Variants in SPAG16 observed in about 807,000 individuals in gnomAD.
SPAG16 encodes sperm associated antigen 16, also known as sperm-associated antigen 16 protein.
A neutral mutation model predicts 80.4 loss-of-function variants in SPAG16; 86 were observed. The observed-to-expected ratio is 1.07, with a 90% CI of 0.90 to 1.28. SPAG16 has a LOEUF of 1.28. Among genes scored for constraint, SPAG16 ranks in the 50% most tolerant of loss-of-function variants. SPAG16 has a pLI of 0.00. For missense variants in SPAG16, 870 were observed against 765.3 expected, an observed-to-expected ratio of 1.14 and a Z score of -1.61; for synonymous variants, 294 against 265.9, an observed-to-expected ratio of 1.11 and a Z score of -1.03.
chr2:213,391,752 T>C (rs1431723657), intron 9 of SPAG16, among the ~76,000 whole-genome samples: 1 of 152,198 alleles, frequency 6.6e-6, no homozygotes, highest in Admixed American at 6.5e-5. Flanking sequence ...TGAATATGTC[T>C]GCTAAAGACT....
At chr2:213,392,327 T>C (rs2067796417) in intron 9 of SPAG16, among the ~76,000 whole-genome samples, 1 of 152,198 alleles carries the variant, frequency 6.6e-6, no homozygotes, top group Admixed American at 6.5e-5. Flanking sequence ...ACTTTTTGCC[T>C]AAAGTGTCAT....
At chr2:213,332,016 G>A (rs1260383085) in intron 5 of SPAG16, among the ~76,000 whole-genome samples, 2 of 151,806 alleles carry the variant, frequency 1.3e-5, no homozygotes, top group African/African-American at 4.8e-5. Context: ...CCCAAGATTA[G>A]TATAAAAAAT....
intron 13 of SPAG16, among the ~76,000 whole-genome samples, chr2:214,019,194 T>C (rs1342826507): frequency 6.6e-6 from 1 of 152,128 alleles, no homozygotes; most frequent in African/African-American, 2.4e-5. Context: ...AAAGGCTCAA[T>C]GTACATACAG....
intron 10 of SPAG16, among the ~76,000 whole-genome samples, chr2:213,861,488 A>G (rs2075458698): frequency 6.6e-6 from 1 of 152,188 alleles, no homozygotes; most frequent in Non-Finnish European, 1.5e-5. Context: ...TGTTTTTTAA[A>G]TCATCATATG....
At chr2:213,665,340 T>C (rs1309647454) in intron 10 of SPAG16, among the ~76,000 whole-genome samples, 1 of 152,092 alleles carries the variant, frequency 6.6e-6, no homozygotes, top group Non-Finnish European at 1.5e-5. Context: ...CTTTAATAGC[T>C]ATTATGATAT....
At chr2:214,123,911 GATAACTGATTGGTA>G (rs1322291473) in intron 14 of SPAG16, among the ~76,000 whole-genome samples, 2 of 152,002 alleles carry the variant, frequency 1.3e-5, no homozygotes, top group African/African-American at 4.8e-5. Context: ...GAATCATATA[GATAACTGATTGGTA>G]ATGTCACCTA....
intron 10 of SPAG16, among the ~76,000 whole-genome samples, chr2:213,543,540 G>A (rs1208911171): frequency 2.0e-5 from 3 of 151,674 alleles, no homozygotes; most frequent in African/African-American, 7.3e-5. Flanking sequence ...TTTCTTTATT[G>A]TTTTTCTATT....
At chr2:213,355,561 C>G (rs1008297061) in intron 7 of SPAG16, among the ~76,000 whole-genome samples, 1 of 152,118 alleles carries the variant, frequency 6.6e-6, no homozygotes, top group East Asian at 1.9e-4. Context: ...TTTTAGTTCT[C>G]CTTGAAGACG....
intron 13 of SPAG16, among the ~76,000 whole-genome samples, chr2:214,050,076 C>T (rs925890015): frequency 3.3e-5 from 5 of 151,806 alleles, no homozygotes; most frequent in Non-Finnish European, 7.4e-5. Flanking sequence ...GGTGTGGTCC[C>T]ATTAGAGGTC....
At chr2:214,059,252 ATATGTATG>A (rs1267428503) in intron 13 of SPAG16, among the ~76,000 whole-genome samples, 1 of 99,456 alleles carries the variant, frequency 1.0e-5, no homozygotes, top group African/African-American at 3.9e-5. Flanking sequence ...GTATGTATAT[ATATGTATG>A]TATATATATA....
chr2:213,906,331 A>G (rs535694127), intron 11 of SPAG16, among the ~76,000 whole-genome samples: 9 of 152,348 alleles, frequency 5.9e-5, no homozygotes, highest in Middle Eastern at 3.4e-3. Context: ...AATTTTTACA[A>G]TAGAAACCTC....
At chr2:213,949,179 T>TTTTTTTTTTTTTGTTTTTTTTTTG (rs1553677672) in intron 12 of SPAG16, among the ~76,000 whole-genome samples, 1 of 36,244 alleles carries the variant, frequency 2.8e-5, no homozygotes, top group African/African-American at 8.2e-5. Flanking sequence ...GTTTTTTTTT[T>TTTTTTTTTTTTTGTTTTTTTTTTG]TTTTTTTTTT....
intron 13 of SPAG16, among the ~76,000 whole-genome samples, chr2:214,082,912 C>G (rs1164969755): frequency 5.3e-5 from 8 of 152,046 alleles, no homozygotes; most frequent in Non-Finnish European, 1.0e-4. Flanking sequence ...CTCTTGATAA[C>G]TTGAAATAAC....
chr2:214,123,396 C>A (rs1576281990), intron 14 of SPAG16, among the ~76,000 whole-genome samples: 2 of 151,676 alleles, frequency 1.3e-5, no homozygotes, highest in African/African-American at 4.8e-5. Context: ...TCCTCTTTGA[C>A]CAAAAAAAAT....
chr2:213,742,963 G>T (rs1559429145), intron 10 of SPAG16, among the ~76,000 whole-genome samples: 1 of 151,872 alleles, frequency 6.6e-6, no homozygotes, highest in Non-Finnish European at 1.5e-5. Flanking sequence ...GAGTGCAGTG[G>T]TGAGATCTCC....
At chr2:213,632,027 T>A (rs1019128044) in intron 10 of SPAG16, among the ~76,000 whole-genome samples, 1 of 152,132 alleles carries the variant, frequency 6.6e-6, no homozygotes, top group Non-Finnish European at 1.5e-5. Context: ...AGAATGTAAT[T>A]GGTATTTTCG....
At chr2:214,125,997 TC>T (rs1226042110) in intron 14 of SPAG16, among the ~76,000 whole-genome samples, 20 of 120,988 alleles carry the variant, frequency 1.7e-4, no homozygotes, top group African/African-American at 5.8e-4. Context: ...TTTCCTTCCT[TC>T]TTTCCTTCCT....
At chr2:214,251,320 T>A (rs1241359035) in intron 15 of SPAG16, among the ~76,000 whole-genome samples, 1 of 151,438 alleles carries the variant, frequency 6.6e-6, no homozygotes, top group Non-Finnish European at 1.5e-5. Flanking sequence ...AAGTATGAGG[T>A]CAATTTCAAG....
chr2:213,608,346 C>T (rs1314016926), intron 10 of SPAG16, among the ~76,000 whole-genome samples: 1 of 152,038 alleles, frequency 6.6e-6, no homozygotes, highest in Non-Finnish European at 1.5e-5. Flanking sequence ...CACAACAGTC[C>T]CCGGTGTGTG....
Sources: gnomAD v4.1 joint callset for allele counts (sites outside exome capture counted in the v4.1 genomes callset) on GRCh38, gnomAD v4.1.1 for gene constraint, MANE v1.5 for transcripts, NCBI Gene and HGNC (gene_info 2026-07-23, HGNC 2026-07-21) for gene names.